The following ZNF236 variants were observed in gnomAD, a reference collection of about 807,000 sequenced individuals.
ZNF236 encodes zinc finger protein 236.
In ZNF236, 50 loss-of-function variants were observed where a neutral mutation model predicts 191.2. The ratio of observed to expected loss-of-function variants is 0.26; its 90% CI spans 0.21 to 0.33. ZNF236 has a LOEUF of 0.33. Ranked by LOEUF, ZNF236 falls within the 10% of genes least tolerant of loss-of-function variation. The pLI is 1.00. For synonymous variants in ZNF236, 907 were observed against 928.8 expected, an observed-to-expected ratio of 0.98 and a Z score of 0.43; for missense variants, 1,754 against 2,374.5, an observed-to-expected ratio of 0.74 and a Z score of 5.43.
In ZNF236 at chr18:76,880,337, G is replaced by T. The variant is rs200437018; in HGVS notation, c.1188+21G>T. 4 of 1,593,438 alleles carry T rather than the reference G, an allele frequency of 2.5e-6. No homozygotes were observed. In the South Asian group the frequency reaches 4.5e-5, roughly 18 times the overall value. On this transcript the variant is annotated intron_variant, in intron 8 of 30. Transcript: ENST00000320610. This position sits in a 1 kb window ranked among gnomAD's most constrained non-coding sequence, Gnocchi z 5.0. ...TACAGGTGAAGCACGCTTCCCTGCG[G>T]TGTGAGGCTTACGTGCTCGTGCTGG...
chr18:76,859,763 T>TAA (rs1175451364), intron 3 of ZNF236, among the ~76,000 whole-genome samples: 1 of 152,154 alleles, frequency 6.6e-6, no homozygotes, highest in Non-Finnish European at 1.5e-5. Flanking sequence ...ATAAGCTTGT[T>TAA]ATGGTGCACT....
intron 1 of ZNF236, among the ~76,000 whole-genome samples, chr18:76,827,524 C>T (rs895156184): frequency 6.6e-6 from 1 of 152,118 alleles, no homozygotes; most frequent in Non-Finnish European, 1.5e-5. Flanking sequence ...ATAGGTGAGC[C>T]CTGTGCTAGG....
chr18:76,921,846 T>C (rs543459968), intron 20 of ZNF236, among the ~76,000 whole-genome samples: 2 of 151,462 alleles, frequency 1.3e-5, no homozygotes, highest in South Asian at 4.2e-4. Context: ...GACGTTCTTA[T>C]AGCTGTGTTT....
chr18:76,905,300 G>A lies in ZNF236; in HGVS notation c.2182G>A (p.Gly728Ser), dbSNP rs374505738. Residue 728 changes from glycine to serine, a missense_variant, in exon 13 of 31, where the codon GGC becomes AGC. Gly to Ser is a moderately conservative substitution (Grantham distance 56). Transcript: ENST00000320610. ...ATGTAATGGGGCTTTCACTACTGGTGGCAGCTTACGGCGACACATGGGTAT... is the reference window on the plus strand; with the variant it reads ...ATGTAATGGGGCTTTCACTACTGGTAGCAGCTTACGGCGACACATGGGTAT... ...LICNGAFTTG[G>S]SLRRHMGIHN... is the part of the protein sequence containing the mutation. The A allele has an allele frequency of 1.9e-6, 3 of 1,614,044 alleles. No homozygotes were observed. The highest frequency in any genetic ancestry group is 2.5e-6 in the Non-Finnish European group (3 of 1,180,050).
At chr18:76,936,142 T>C (rs1967991199) in intron 25 of ZNF236, 1 of 436,270 alleles carries the variant, frequency 2.3e-6, no homozygotes, top group Non-Finnish European at 4.6e-6. Context: ...AGCAAAGTGC[T>C]GACAGGCGCG....
At position 76,863,736 on chromosome 18, in the gene ZNF236, A is replaced by G. The variant is rs574563698; in HGVS notation, c.364-4949A>G. ...GCAACCATGCCTGGCTACAAATTCT[A>G]TATGTGGTAAATGTCCTTCAGGAAC... is the stretch of plus-strand genomic sequence containing the variant. On this transcript the variant is annotated intron_variant, in intron 3 of 30. Coordinates refer to ENST00000320610, the MANE Select transcript of ZNF236 (RefSeq NM_001306089.2). Among the ~76,000 whole-genome samples, 9 of 152,152 alleles carry G rather than the reference A, an allele frequency of 5.9e-5. No homozygotes were observed. The East Asian group carries it at 1.5e-3, about 26-fold the overall frequency.
rs1426504789 is a variant in ZNF236, at chr18:76,960,090, C to A, written c.5242+274C>A. 6.6e-6 allele frequency among the ~76,000 whole-genome samples: 1 copy of A among 152,198 alleles called. No individual in the cohort carries two copies. The highest frequency in any genetic ancestry group is 2.4e-5 in the African/African-American group (1 of 41,454). ...GTCTGGGATGTTGACCATGTCACGT[C>A]CCTCCTTCCCTTCTGCTGGAGCAAA... is the stretch of plus-strand genomic sequence containing the variant. On this transcript the variant is annotated intron_variant, in intron 29 of 30. Coordinates refer to ENST00000320610, the MANE Select transcript of ZNF236 (RefSeq NM_001306089.2). The surrounding 1 kb of genome is among the most constrained non-coding windows in gnomAD (Gnocchi z 4.4).
chr18:76,908,066 G>T (rs1967106995), intron 13 of ZNF236, among the ~76,000 whole-genome samples: 1 of 151,760 alleles, frequency 6.6e-6, no homozygotes, highest in African/African-American at 2.4e-5. Flanking sequence ...AGGCATTCGG[G>T]TGTGTGTTGT....
intron 1 of ZNF236, among the ~76,000 whole-genome samples, chr18:76,828,117 A>G (rs1975066235): frequency 1.3e-5 from 2 of 151,958 alleles, no homozygotes; most frequent in Non-Finnish European, 2.9e-5. Flanking sequence ...GATGAATTCA[A>G]GAGCCCAAGG....
intron 14 of ZNF236, among the ~76,000 whole-genome samples, chr18:76,909,476 G>A (rs181089322): frequency 1.3e-5 from 2 of 150,926 alleles, no homozygotes; most frequent in Admixed American, 1.3e-4. Context: ...AAAGATGAAT[G>A]TAGGTCAGTG....
intron 27 of ZNF236, among the ~76,000 whole-genome samples, chr18:76,954,461 A>T (rs1246430363): frequency 6.6e-6 from 1 of 152,232 alleles, no homozygotes; most frequent in African/African-American, 2.4e-5. Context: ...CTGCAGTTAC[A>T]CAACCAGCCT....
intron 9 of ZNF236, among the ~76,000 whole-genome samples, chr18:76,890,248 A>C (rs1196504904): frequency 1.3e-5 from 2 of 152,226 alleles, no homozygotes; most frequent in Non-Finnish European, 2.9e-5. Context: ...GAATTTTCTG[A>C]GAGTGACTTG....
intron 1 of ZNF236, among the ~76,000 whole-genome samples, chr18:76,833,432 T>A (rs1489003116): frequency 6.6e-6 from 1 of 152,222 alleles, no homozygotes; most frequent in East Asian, 1.9e-4. Context: ...TTATCATGTT[T>A]ACTTTGTATT....
rs1013066891 is a variant in ZNF236 at position 76,908,560 on chromosome 18, G to A, written c.2538G>A (p.Leu846=). 5.0e-6 allele frequency: 8 copies of A among 1,606,838 alleles called. No individual in the cohort carries two copies. In the African/African-American group the frequency reaches 9.3e-5, roughly 19 times the overall value. Residue 846 remains leucine (L), a synonymous_variant, in exon 14 of 31, where the codon CTG becomes CTA. Coordinates refer to ENST00000320610, the MANE Select transcript of ZNF236 (RefSeq NM_001306089.2). The part of the protein sequence containing the change: ...GLGQQLADQP[L]EADEDGFVAP... ...GCCAGCAGTTGGCAGATCAGCCCCT[G>A]GAAGCAGATGAAGGTAAATGTTTCA... is the stretch of plus-strand genomic sequence containing the variant.
intron 1 of ZNF236, among the ~76,000 whole-genome samples, chr18:76,845,292 C>T (rs1019263916): frequency 6.6e-6 from 1 of 151,976 alleles, no homozygotes; most frequent in African/African-American, 2.4e-5. Flanking sequence ...GGGTAAACTG[C>T]CTTGGAATTC....
At chr18:76,856,329 C>T (rs535776616) in intron 3 of ZNF236, among the ~76,000 whole-genome samples, 63 of 152,220 alleles carry the variant, frequency 4.1e-4, no homozygotes, top group Middle Eastern at 3.4e-3. Flanking sequence ...ATTGTAGGCA[C>T]CTGCCACCAC....
intron 25 of ZNF236, among the ~76,000 whole-genome samples, chr18:76,929,396 TTAG>T (rs1967791169): frequency 6.6e-6 from 1 of 152,194 alleles, no homozygotes; most frequent in Admixed American, 6.5e-5. Context: ...TTACAATATT[TTAG>T]GAAAGCTATT....
At chr18:76,853,084 G>GT (rs56094232) in intron 3 of ZNF236, among the ~76,000 whole-genome samples, 5,083 of 144,548 alleles carry the variant, frequency 0.035, 123 homozygotes, top group African/African-American at 0.066. Flanking sequence ...TCTGTTTTTT[G>GT]TTTTTTTTTT....
intron 25 of ZNF236, among the ~76,000 whole-genome samples, chr18:76,933,367 G>A (rs1967908354): frequency 6.6e-6 from 1 of 152,052 alleles, no homozygotes; most frequent in South Asian, 2.1e-4. Context: ...CTACTCGGGA[G>A]GCTGAGGCAG....
Sources: allele counts gnomAD v4.1 joint callset (sites outside exome capture counted in the v4.1 genomes callset), GRCh38; gene constraint gnomAD v4.1.1; non-coding constraint Gnocchi (gnomAD v3.1); transcripts MANE v1.5; gene names NCBI Gene and HGNC (gene_info 2026-07-23, HGNC 2026-07-21).